TMTC1: variants seen among roughly 807,000 people sequenced by gnomAD.
TMTC1 encodes the protein transmembrane O-mannosyltransferase targeting cadherins 1, also known as protein O-mannosyl-transferase TMTC1.
In TMTC1, 73 loss-of-function variants were observed where a neutral mutation model predicts 104.8. That is an observed-to-expected ratio of 0.70 (90% CI 0.58 to 0.85). The LOEUF is 0.85. Ranked by LOEUF, TMTC1 falls within the 40% of genes least tolerant of loss-of-function variation. The pLI is 0.00. For missense variants in TMTC1, 1,035 were observed against 1,096.1 expected (o/e 0.94, Z 0.79); for synonymous variants, 434 against 428.7 (o/e 1.01, Z -0.15).
intron 5 of TMTC1, among the ~76,000 whole-genome samples, chr12:29,709,763 A>G (rs1418706457): frequency 1.3e-5 from 2 of 152,280 alleles, no homozygotes; most frequent in African/African-American, 4.8e-5. Flanking sequence ...TGTGTTTAAA[A>G]TTTGTTTAAT....
chr12:29,531,601 G>A (rs1389794518), intron 11 of TMTC1, among the ~76,000 whole-genome samples: 3 of 152,008 alleles, frequency 2.0e-5, no homozygotes. Flanking sequence ...AATGATTGTG[G>A]GCTTATAAAT....
rs572747603 is a variant in TMTC1, at chr12:29,523,891, G to T, written c.1786-3171C>A. On this transcript the variant is annotated intron_variant, in intron 11 of 17. Coordinates refer to ENST00000539277, the MANE Select transcript of TMTC1 (RefSeq NM_001193451.2). ...ACTCTATTTTGGTTTGGTCTGGTCT[G>T]CTGGGGCCTATTGTATGAACTCAGT... 3.9e-5 allele frequency among the ~76,000 whole-genome samples: 6 copies of T among 152,136 alleles called. No individual in the cohort carries two copies. The South Asian group carries it at 6.2e-4, about 16-fold the overall frequency.
At chr12:29,708,478 G>A (rs1006177904) in intron 5 of TMTC1, among the ~76,000 whole-genome samples, 1 of 152,102 alleles carries the variant, frequency 6.6e-6, no homozygotes, top group East Asian at 1.9e-4. Flanking sequence ...TAACCACTGA[G>A]CCCCCTTTGA....
chr12:29,557,623 T>C (rs1036527926), intron 9 of TMTC1, among the ~76,000 whole-genome samples: 3 of 152,310 alleles, frequency 2.0e-5, no homozygotes, highest in Non-Finnish European at 2.9e-5. Flanking sequence ...TTAATTTTTA[T>C]ATTTTTAGGA....
At chr12:29,628,941 C>A (rs1457045578) in intron 6 of TMTC1, among the ~76,000 whole-genome samples, 2 of 152,072 alleles carry the variant, frequency 1.3e-5, no homozygotes, top group Non-Finnish European at 2.9e-5. Context: ...GGGTTACAGG[C>A]ATCAGAGACT....
At chr12:29,773,218 G>T (rs778381026) in intron 1 of TMTC1, among the ~76,000 whole-genome samples, 1 of 152,110 alleles carries the variant, frequency 6.6e-6, no homozygotes, top group Non-Finnish European at 1.5e-5. Context: ...CAGATAAGCT[G>T]GTTTGCAGCA....
chr12:29,768,140 C>T lies in TMTC1; in HGVS notation c.303-65G>A, dbSNP rs1032930786. ...ACAAACTCAACATAAACACAAGGAA[C>T]ACAGACGGAATCCATCATTTAAAAA... On this transcript the variant is annotated intron_variant, in intron 1 of 17. Coordinates refer to ENST00000539277, the MANE Select transcript of TMTC1 (RefSeq NM_001193451.2). 27 of 1,191,144 alleles carry T rather than the reference C, an allele frequency of 2.3e-5. 1 individual carries two copies. The highest frequency in any genetic ancestry group is 2.4e-4 in the Middle Eastern group (1 of 4,210). The allele number at this position is 1,191,144 out of a possible 1,614,324, so 73.8% of individuals were successfully genotyped here.
intron 5 of TMTC1, among the ~76,000 whole-genome samples, chr12:29,638,821 C>T (rs752519781): frequency 2.6e-5 from 4 of 152,188 alleles, no homozygotes; most frequent in Non-Finnish European, 5.9e-5. Context: ...CCTCCCGTTT[C>T]ACCACTAGGT....
Position 29,693,294 on chromosome 12 carries a change from T to C in TMTC1, c.938+58372A>G, listed in dbSNP as rs188382539. ...AGGTACAGAGGGATATTTAAATACA[T>C]ACAATGTGTGCTGATCAAATCAGGA... On this transcript the variant is annotated intron_variant, in intron 5 of 17. Coordinates refer to ENST00000539277, the MANE Select transcript of TMTC1 (RefSeq NM_001193451.2). Among the ~76,000 whole-genome samples, 2 of 145,168 alleles carry C rather than the reference T, an allele frequency of 1.4e-5. 1 individual carries two copies.
Position 29,780,899 on chromosome 12 carries a change from A to G in TMTC1, c.302+2551T>C, listed in dbSNP as rs141173830. ...TCAAAGTTTTTGCTCAAACAAGCAT[A>G]ATTTAAGATACAGTTAAAATGGTTT... On this transcript the variant is annotated intron_variant, in intron 1 of 17. Transcript: ENST00000539277. Among the ~76,000 whole-genome samples the G allele has an allele frequency of 3.3e-3, 499 of 152,382 alleles. 2 individuals carry two copies. The highest frequency in any genetic ancestry group is 0.01 in the Middle Eastern group (3 of 294).
At chr12:29,596,707 A>T (rs900383994) in intron 7 of TMTC1, among the ~76,000 whole-genome samples, 2 of 152,166 alleles carry the variant, frequency 1.3e-5, no homozygotes, top group Non-Finnish European at 2.9e-5. Context: ...CTCACTGACA[A>T]GCCTACGTTG....
chr12:29,774,282 G>A (rs1943658881), intron 1 of TMTC1, among the ~76,000 whole-genome samples: 1 of 152,060 alleles, frequency 6.6e-6, no homozygotes, highest in East Asian at 1.9e-4. Context: ...CCAGAGATCG[G>A]CCCCCAAGCA....
Position 29,564,573 on chromosome 12 carries a change from T to C in TMTC1, c.1532+7532A>G, listed in dbSNP as rs576371421. Among the ~76,000 whole-genome samples, 5 of 152,278 alleles carry C rather than the reference T, an allele frequency of 3.3e-5. No individual in the cohort carries two copies. The South Asian group carries it at 1.0e-3, about 32-fold the overall frequency. On this transcript the variant is annotated intron_variant, in intron 9 of 17. Coordinates refer to ENST00000539277, the MANE Select transcript of TMTC1 (RefSeq NM_001193451.2). Reference sequence around the variant, plus strand: ...TAATTTGATGCCCAAGCATGGTCCATTGGAATTATCTGCATGGAGGTAGCT... The same window carrying C: ...TAATTTGATGCCCAAGCATGGTCCACTGGAATTATCTGCATGGAGGTAGCT...
At position 29,502,101 on chromosome 12, in the gene TMTC1, T is replaced by G. The variant is rs822874; in HGVS notation, c.*4745A>C. The G allele has an allele frequency of 7.9e-5, 12 of 151,990 alleles. No homozygotes were observed. Among genetic ancestry groups the G allele is most frequent in the African/African-American group, 2.9e-4 (12 of 41,404 alleles). 9.4% of individuals were successfully genotyped at this position (151,990 alleles called of 1,614,324 possible). On this transcript the variant is annotated 3_prime_UTR_variant, in exon 18 of 18. Transcript: ENST00000539277. ...TCTTATTCAACTGCAACCTCAATGC[T>G]AGATTTGACAGGTACTTAATTCTTT...
chr12:29,594,166 G>T (rs572302036), intron 7 of TMTC1, among the ~76,000 whole-genome samples: 1 of 152,308 alleles, frequency 6.6e-6, no homozygotes, highest in African/African-American at 2.4e-5. Flanking sequence ...TTTGATCAAA[G>T]CTGAGTGACT....
intron 5 of TMTC1, among the ~76,000 whole-genome samples, chr12:29,671,294 C>T (rs1338254289): frequency 7.4e-6 from 1 of 134,344 alleles, no homozygotes; most frequent in East Asian, 2.1e-4. Flanking sequence ...AGTGAGACTC[C>T]ATCTTAAATA....
At chr12:29,744,273 T>A (rs1207522382) in intron 5 of TMTC1, among the ~76,000 whole-genome samples, 1 of 152,172 alleles carries the variant, frequency 6.6e-6, no homozygotes, top group Non-Finnish European at 1.5e-5. Context: ...CCAGGGACTG[T>A]CAGCAGTTAG....
At chr12:29,758,833 AT>A in intron 2 of TMTC1, 56 bp from the exon 3 acceptor site, 1 of 1,414,102 alleles carries the variant, frequency 7.1e-7, no homozygotes, top group South Asian at 1.3e-5. Flanking sequence ...TCAGAAAACT[AT>A]TACACAAATC....
chr12:29,686,631 G>C (rs1322912621), intron 5 of TMTC1, among the ~76,000 whole-genome samples: 1 of 152,184 alleles, frequency 6.6e-6, no homozygotes, highest in African/African-American at 2.4e-5. Flanking sequence ...GCTATTGCCT[G>C]TACAGACACC....
Sources: allele counts gnomAD v4.1 joint callset (sites outside exome capture counted in the v4.1 genomes callset), GRCh38; gene constraint gnomAD v4.1.1; transcripts MANE v1.5; gene names NCBI Gene and HGNC (gene_info 2026-07-23, HGNC 2026-07-21).